GEMIN7: variants seen among roughly 807,000 people sequenced by gnomAD.
GEMIN7 encodes gem nuclear organelle associated protein 7.
Under a neutral mutation model 7.8 loss-of-function variants are expected in GEMIN7, and 7 were observed. The observed-to-expected ratio is 0.90, with a 90% CI of 0.51 to 1.69. The LOEUF (loss-of-function observed/expected upper bound fraction) is 1.69. GEMIN7 is among the 40% of genes most tolerant of loss of function. The pLI, the probability that GEMIN7 is intolerant of heterozygous loss-of-function variation, is 0.00. For synonymous variants in GEMIN7, 68 were observed against 72.4 expected, an observed-to-expected ratio of 0.94 and a Z score of 0.31; for missense variants, 159 against 176.2, an observed-to-expected ratio of 0.90 and a Z score of 0.55.
chr19:45,083,249 A>G (rs1391136755), intron 2 of GEMIN7, among the ~76,000 whole-genome samples: 1 of 152,216 alleles, frequency 6.6e-6, no homozygotes, highest in African/African-American at 2.4e-5. Flanking sequence ...GGAGATGTAG[A>G]CCAGCCTGGC....
chr19:45,080,784 C>A (rs1348527207), intron 2 of GEMIN7, among the ~76,000 whole-genome samples: 1 of 88,352 alleles, frequency 1.1e-5, no homozygotes. Context: ...TTTTTTTTTC[C>A]TGATGGAGAA....
chr19:45,080,527 C>T (rs1379113540), intron 2 of GEMIN7, among the ~76,000 whole-genome samples: 1 of 152,078 alleles, frequency 6.6e-6, no homozygotes, highest in Non-Finnish European at 1.5e-5. Context: ...AGATGCGTGC[C>T]ACCACATCCA....
chr19:45,077,067 A>G (rs913515561), upstream of GEMIN7, among the ~76,000 whole-genome samples: 5 of 152,156 alleles, frequency 3.3e-5, no homozygotes, highest in Non-Finnish European at 5.9e-5. Context: ...TTTCTCCCCT[A>G]TGATGGGAAA....
In GEMIN7 at chr19:45,089,942, C is replaced by A; in HGVS notation, c.-8-165C>A. The A allele has an allele frequency of 1.8e-5, 12 of 675,246 alleles. No homozygotes were observed. In the South Asian group the frequency reaches 2.3e-4, roughly 13 times the overall value. 41.8% of individuals were successfully genotyped at this position (675,246 alleles called of 1,614,324 possible). ...TGCATGTGACACTTTTGTTTCTGAT[C>A]CAAGCCATTGGGGGACGATGGCACA... On this transcript the variant is annotated intron_variant, in intron 2 of 2. Transcript: ENST00000270257.
chr19:45,090,017 G>A (rs989248036), intron 2 of GEMIN7, 90 bp from the exon 3 acceptor site: 5 of 1,375,592 alleles, frequency 3.6e-6, no homozygotes, highest in Non-Finnish European at 5.0e-6. Flanking sequence ...GAGCTGCCTG[G>A]TAGACCAGCC....
chr19:45,076,194 C>T, upstream of GEMIN7: 1 of 1,506,510 alleles, frequency 6.6e-7, no homozygotes, highest in Non-Finnish European at 8.8e-7. This position sits in a 1 kb window ranked among gnomAD's most constrained non-coding sequence, Gnocchi z 4.9. Flanking sequence ...CGCCGAACCG[C>T]CCCGCCGAGG....
At position 45,090,457 on chromosome 19, in the gene GEMIN7, G is replaced by A. The variant is rs1335457478; in HGVS notation, c.343G>A (p.Ala115Thr). 56 of 1,613,900 alleles carry A rather than the reference G, an allele frequency of 3.5e-5. No homozygotes were observed. Among genetic ancestry groups the A allele is most frequent in the Non-Finnish European group, 4.7e-5 (55 of 1,179,934 alleles). Reference sequence around the variant, plus strand: ...GCTGCAGACTCCCATAGGTGTGCAAGCAGAGGCGCTGCTCCGATGTAGTGA... The same window carrying A: ...GCTGCAGACTCCCATAGGTGTGCAAACAGAGGCGCTGCTCCGATGTAGTGA... ...SQLQTPIGVQ[A>T]EALLRCSDII... Residue 115 changes from alanine to threonine, a missense_variant, in exon 3 of 3, where the codon GCA (alanine) becomes ACA (threonine). Transcript: ENST00000270257.
intron 2 of GEMIN7, 113 bp downstream of exon 2, chr19:45,080,142 G>A (rs955604133): frequency 1.3e-5 from 2 of 152,174 alleles, no homozygotes; most frequent in African/African-American, 2.4e-5. Flanking sequence ...TGAAACCTTC[G>A]GAAATCCTTG....
At chr19:45,078,282 G>T (rs574264149), upstream of GEMIN7, among the ~76,000 whole-genome samples, 1 of 151,942 alleles carries the variant, frequency 6.6e-6, no homozygotes, top group African/African-American at 2.4e-5. Flanking sequence ...TAGAGACAGG[G>T]TTTCACCATG....
At chr19:45,078,550 C>G (rs1234375095), upstream of GEMIN7, among the ~76,000 whole-genome samples, 1 of 152,184 alleles carries the variant, frequency 6.6e-6, no homozygotes, top group Non-Finnish European at 1.5e-5. Flanking sequence ...CCTACTCGTT[C>G]ATAGTTAAGT....
At chr19:45,086,513 G>C (rs1184522337) in intron 2 of GEMIN7, among the ~76,000 whole-genome samples, 1 of 152,134 alleles carries the variant, frequency 6.6e-6, no homozygotes, top group Non-Finnish European at 1.5e-5. Context: ...ATATGTCCCA[G>C]ACATGTGCCA....
upstream of GEMIN7, chr19:45,076,402 G>GGGCAGGCA (rs754690103): frequency 2.4e-6 from 3 of 1,237,768 alleles, no homozygotes; most frequent in African/African-American, 1.6e-5. The surrounding 1 kb of genome is among the most constrained non-coding windows in gnomAD (Gnocchi z 4.9). Flanking sequence ...GCGAGCGGGC[G>GGGCAGGCA]GGCAGGCAGG....
chr19:45,085,415 C>G (rs1320200533), intron 2 of GEMIN7: 1 of 152,192 alleles, frequency 6.6e-6, no homozygotes, highest in Non-Finnish European at 1.5e-5. Flanking sequence ...GCTGTCACAA[C>G]TTGAAGATGG....
chr19:45,076,414 A>AAGCG (rs1555735052), upstream of GEMIN7: 1 of 1,218,084 alleles, frequency 8.2e-7, no homozygotes, highest in African/African-American at 1.6e-5. The surrounding 1 kb of genome is among the most constrained non-coding windows in gnomAD (Gnocchi z 4.9). Flanking sequence ...GCAGGCAGGC[A>AAGCG]GGCGGGCGGG....
intron 2 of GEMIN7, among the ~76,000 whole-genome samples, chr19:45,089,732 G>C (rs538218047): frequency 1.8e-4 from 27 of 152,166 alleles, no homozygotes; most frequent in Non-Finnish European, 3.5e-4. Context: ...TGCCCAGGCT[G>C]GTCTCAAACT....
At chr19:45,076,666 T>C (rs1286921265), upstream of GEMIN7, 4 of 283,550 alleles carry the variant, frequency 1.4e-5, no homozygotes, top group Non-Finnish European at 2.6e-5. This position sits in a 1 kb window ranked among gnomAD's most constrained non-coding sequence, Gnocchi z 4.9. Context: ...CCACAAGGCA[T>C]TGAAACAGCT....
intron 2 of GEMIN7, among the ~76,000 whole-genome samples, chr19:45,082,941 A>G (rs1967551245): frequency 6.6e-6 from 1 of 152,094 alleles, no homozygotes; most frequent in African/African-American, 2.4e-5. Context: ...TCTTTGGTGC[A>G]TAAAAATGAT....
At chr19:45,076,274 G>A (rs776581206), upstream of GEMIN7, 5 of 1,488,280 alleles carry the variant, frequency 3.4e-6, no homozygotes, top group Non-Finnish European at 4.5e-6. The surrounding 1 kb of genome is among the most constrained non-coding windows in gnomAD (Gnocchi z 4.9). Flanking sequence ...TCGGGCTTGA[G>A]TTCGATGACG....
upstream of GEMIN7, chr19:45,076,256 C>T: frequency 1.3e-6 from 2 of 1,499,992 alleles, no homozygotes; most frequent in East Asian, 5.2e-5. The surrounding 1 kb of genome is among the most constrained non-coding windows in gnomAD (Gnocchi z 4.9). Flanking sequence ...TGGGGCTGCG[C>T]GTCTGGCTCG....
Sources: gnomAD v4.1 joint callset for allele counts (sites outside exome capture counted in the v4.1 genomes callset) on GRCh38, gnomAD v4.1.1 for gene constraint, Gnocchi (gnomAD v3.1) non-coding constraint, MANE v1.5 for transcripts, NCBI Gene and HGNC (gene_info 2026-07-23, HGNC 2026-07-21) for gene names.